The following DNER variants were observed in gnomAD, a reference collection of about 807,000 sequenced individuals.
The protein encoded by DNER is delta and Notch-like epidermal growth factor-related receptor.
Under a neutral mutation model 78.2 loss-of-function variants are expected in DNER, and 33 were observed. The observed-to-expected ratio is 0.42, with a 90% CI of 0.32 to 0.56. The LOEUF (loss-of-function observed/expected upper bound fraction) is 0.56. DNER is among the 20% of genes least tolerant of loss of function. DNER has a pLI of 0.11. For missense variants in DNER, 918 were observed against 975.3 expected, an observed-to-expected ratio of 0.94 and a Z score of 0.78; for synonymous variants, 417 against 384.8, an observed-to-expected ratio of 1.08 and a Z score of -0.98.
At chr2:229,415,337 G>C (rs1693623074) in intron 9 of DNER, among the ~76,000 whole-genome samples, 1 of 152,186 alleles carries the variant, frequency 6.6e-6, no homozygotes, top group Non-Finnish European at 1.5e-5. Flanking sequence ...TCAAGCCTCA[G>C]ATGAGAGCTC....
intron 1 of DNER, among the ~76,000 whole-genome samples, chr2:229,630,157 A>G (rs925921807): frequency 6.6e-6 from 1 of 152,192 alleles, no homozygotes; most frequent in Admixed American, 6.5e-5. Flanking sequence ...AAGAGACCCT[A>G]GAAGTGTTAT....
At chr2:229,645,712 A>G (rs1015094916) in intron 1 of DNER, among the ~76,000 whole-genome samples, 2 of 152,188 alleles carry the variant, frequency 1.3e-5, no homozygotes, top group African/African-American at 4.8e-5. Flanking sequence ...CTGATGGAAC[A>G]GTTTTACTTT....
intron 7 of DNER, among the ~76,000 whole-genome samples, chr2:229,475,127 T>C (rs1347250395): frequency 6.6e-6 from 1 of 152,338 alleles, no homozygotes; most frequent in South Asian, 2.1e-4. Flanking sequence ...ACTCATTTAA[T>C]CCTTACACTG....
intron 1 of DNER, among the ~76,000 whole-genome samples, chr2:229,620,647 C>T (rs1698238233): frequency 6.6e-6 from 1 of 152,250 alleles, no homozygotes. Flanking sequence ...ACACCAACCC[C>T]ACACTGGGAT....
chr2:229,647,483 T>A (rs1428349770), intron 1 of DNER, among the ~76,000 whole-genome samples: 1 of 152,208 alleles, frequency 6.6e-6, no homozygotes, highest in Non-Finnish European at 1.5e-5. Flanking sequence ...TAGACTGCAA[T>A]CTGGAAATAG....
intron 1 of DNER, among the ~76,000 whole-genome samples, chr2:229,657,908 T>C (rs1421942738): frequency 6.6e-6 from 1 of 152,094 alleles, no homozygotes; most frequent in East Asian, 1.9e-4. Context: ...TTCAAGGGAA[T>C]TTCATGATCA....
intron 1 of DNER, among the ~76,000 whole-genome samples, chr2:229,710,174 C>T (rs904987825): frequency 6.6e-6 from 1 of 152,172 alleles, no homozygotes; most frequent in African/African-American, 2.4e-5. Flanking sequence ...TCTTTGTCAC[C>T]TCTGTGCCTT....
Position 229,714,352 on chromosome 2 carries a change from G to T in DNER, c.72C>A (p.Leu24=). ...GGGAGCTGCCTCGGGGCCCCGCTCC[G>T]AGCAGCAGCAGCAGCAGGGCCAGCG... is the stretch of plus-strand genomic sequence containing the variant. ...LPALALLLLL[L]GAGPRGSSLA... The change falls in exon 1 of 13, where the codon CTC becomes CTA. Residue 24 remains leucine (L), a synonymous_variant. Transcript: ENST00000341772. 1 of 1,238,876 alleles carries T rather than the reference G, an allele frequency of 8.1e-7. No individual in the cohort carries two copies. Among genetic ancestry groups the T allele is most frequent in the Non-Finnish European group, 1.0e-6 (1 of 995,336 alleles). 76.7% of individuals were successfully genotyped at this position (1,238,876 alleles called of 1,614,324 possible).
chr2:229,415,510 A>T (rs937030016), intron 9 of DNER, among the ~76,000 whole-genome samples: 1 of 152,166 alleles, frequency 6.6e-6, no homozygotes. Flanking sequence ...CAGAAGGCGG[A>T]TCTACTTTTT....
chr2:229,448,851 C>T (rs975903371), intron 7 of DNER, among the ~76,000 whole-genome samples: 6 of 152,110 alleles, frequency 3.9e-5, no homozygotes, highest in African/African-American at 1.2e-4. Flanking sequence ...GTCTATTACA[C>T]GTCTCTTGTT....
intron 6 of DNER, among the ~76,000 whole-genome samples, chr2:229,508,409 A>C (rs1313176269): frequency 6.6e-6 from 1 of 152,224 alleles, no homozygotes; most frequent in African/African-American, 2.4e-5. Context: ...TTTATATGGC[A>C]GTCAAGAACT....
Position 229,405,915 on chromosome 2 carries a change from T to C in DNER, c.1723+1317A>G, listed in dbSNP as rs528148983. 3.3e-5 allele frequency among the ~76,000 whole-genome samples: 5 copies of C among 152,326 alleles called. No individual in the cohort carries two copies. The South Asian group carries it at 1.0e-3, about 32-fold the overall frequency. On this transcript the variant is annotated intron_variant, in intron 10 of 12. Transcript: ENST00000341772. Reference sequence around the variant, plus strand: ...AAAAAACCCGGGATGCTTCCCCTAATATTATTTTTGCCTCCACTGGTGAGT... The same window carrying C: ...AAAAAACCCGGGATGCTTCCCCTAACATTATTTTTGCCTCCACTGGTGAGT...
chr2:229,685,442 A>G (rs781011392), intron 1 of DNER, among the ~76,000 whole-genome samples: 3 of 152,258 alleles, frequency 2.0e-5, no homozygotes, highest in Non-Finnish European at 4.4e-5. Context: ...TCCATAGCAG[A>G]GCTCATAATG....
intron 1 of DNER, among the ~76,000 whole-genome samples, chr2:229,703,468 G>A (rs1699782213): frequency 6.6e-6 from 1 of 152,140 alleles, no homozygotes; most frequent in Non-Finnish European, 1.5e-5. Flanking sequence ...GATTTTTGTG[G>A]CCTTGGGTTA....
At chr2:229,668,536 G>GTATA (rs1163016191) in intron 1 of DNER, among the ~76,000 whole-genome samples, 35 of 7,070 alleles carry the variant, frequency 5.0e-3, no homozygotes, top group East Asian at 0.012. Context: ...GTGTGTGTGT[G>GTATA]TATATATATA....
chr2:229,621,467 C>T (rs1198243039), intron 1 of DNER, among the ~76,000 whole-genome samples: 2 of 151,832 alleles, frequency 1.3e-5, no homozygotes, highest in East Asian at 3.9e-4. Context: ...TGCTCCCAGC[C>T]CTGCCCACCA....
intron 1 of DNER, among the ~76,000 whole-genome samples, chr2:229,645,348 T>C (rs1698699040): frequency 6.6e-6 from 1 of 152,132 alleles, no homozygotes; most frequent in African/African-American, 2.4e-5. Context: ...AAGCAAGAAG[T>C]CCAGAATATT....
Position 229,588,601 on chromosome 2 carries a change from G to A in DNER, c.586-113C>T, listed in dbSNP as rs1016941437. 4.8e-6 allele frequency: 4 copies of A among 833,974 alleles called. No individual in the cohort carries two copies. In the African/African-American group the frequency reaches 6.8e-5, roughly 14 times the overall value. 51.7% of individuals were successfully genotyped at this position (833,974 alleles called of 1,614,324 possible). A position where few individuals can be genotyped will look rare whatever the true frequency, so the allele number is the denominator to read the frequency against. On this transcript the variant is annotated intron_variant, in intron 2 of 12. Coordinates refer to ENST00000341772, the MANE Select transcript of DNER (RefSeq NM_139072.4). ...CTTCATCCCTTTTGATGATGCGGGG[G>A]TAGGGCTAGAGAGGAGATGAAGAAG... is the stretch of plus-strand genomic sequence containing the variant.
chr2:229,565,349 A>T (rs1429827007), intron 4 of DNER, among the ~76,000 whole-genome samples: 1 of 152,192 alleles, frequency 6.6e-6, no homozygotes, highest in Non-Finnish European at 1.5e-5. Context: ...AATAATGTCC[A>T]AATAAAAGCA....
Sources: gnomAD v4.1 joint callset for allele counts (sites outside exome capture counted in the v4.1 genomes callset) on GRCh38, gnomAD v4.1.1 for gene constraint, MANE v1.5 for transcripts, NCBI Gene and HGNC (gene_info 2026-07-23, HGNC 2026-07-21) for gene names.